Variants in BCKDHB observed in about 807,000 individuals in gnomAD.
The protein encoded by BCKDHB is branched chain keto acid dehydrogenase E1 subunit beta.
Under a neutral mutation model 48.5 loss-of-function variants are expected in BCKDHB, and 41 were observed. That is an observed-to-expected ratio of 0.85 (90% confidence interval 0.66 to 1.10). The LOEUF is 1.10. Among genes scored for constraint, BCKDHB ranks in the 50% least tolerant of loss-of-function variants. The probability of loss-of-function intolerance (pLI) is 0.00; values close to 1 mark genes in which losing one functional copy is unlikely to be tolerated. For missense variants in BCKDHB, 496 were observed against 494.2 expected (o/e 1.00, Z -0.03); for synonymous variants, 201 against 174.8 (o/e 1.15, Z -1.18).
intron 1 of BCKDHB, among the ~76,000 whole-genome samples, chr6:80,110,690 C>T (rs1032599384): frequency 2.0e-5 from 3 of 152,218 alleles, no homozygotes; most frequent in African/African-American, 7.2e-5. Context: ...TCCCTTGGCA[C>T]CTGAGCCAGG....
At chr6:80,242,058 T>C (rs1183053292) in intron 8 of BCKDHB, among the ~76,000 whole-genome samples, 2 of 152,224 alleles carry the variant, frequency 1.3e-5, no homozygotes, top group Admixed American at 1.3e-4. Context: ...TTTAAATTTT[T>C]CTGTGGTCAA....
At chr6:80,311,683 A>AT (rs1305098576) in intron 9 of BCKDHB, among the ~76,000 whole-genome samples, 1 of 152,068 alleles carries the variant, frequency 6.6e-6, no homozygotes, top group Non-Finnish European at 1.5e-5. Context: ...AAAACAGGGA[A>AT]TTTTTTCTCC....
intron 7 of BCKDHB, among the ~76,000 whole-genome samples, chr6:80,202,008 G>C (rs1052005558): frequency 1.3e-5 from 2 of 152,048 alleles, no homozygotes; most frequent in Admixed American, 6.6e-5. Flanking sequence ...TTGGCGAGTT[G>C]TATCCCATTG....
chr6:80,280,383 G>C (rs1778146672), intron 9 of BCKDHB, among the ~76,000 whole-genome samples: 1 of 152,198 alleles, frequency 6.6e-6, no homozygotes, highest in African/African-American at 2.4e-5. Flanking sequence ...CTAGGTAGTT[G>C]TGTAGAGGAT....
At chr6:80,280,653 A>G (rs1324693911) in intron 9 of BCKDHB, among the ~76,000 whole-genome samples, 2 of 150,488 alleles carry the variant, frequency 1.3e-5, no homozygotes, top group African/African-American at 2.5e-5. Context: ...AAATAAAAAT[A>G]TATATCATCT....
chr6:80,429,066 G>T, the BCKDHB span, among the ~76,000 whole-genome samples: 1 of 152,088 alleles, frequency 6.6e-6, no homozygotes, highest in East Asian at 1.9e-4. Context: ...TAAGGGAGGG[G>T]TCCAGTTTCA....
At chr6:80,448,981 A>G in the BCKDHB span, among the ~76,000 whole-genome samples, 6 of 152,338 alleles carry the variant, frequency 3.9e-5, no homozygotes, top group South Asian at 2.1e-4. Flanking sequence ...ATTTTCTTTC[A>G]TACTTGCAAC....
chr6:80,290,858 G>A (rs1350707302), intron 9 of BCKDHB, among the ~76,000 whole-genome samples: 2 of 152,200 alleles, frequency 1.3e-5, no homozygotes, highest in Non-Finnish European at 2.9e-5. Flanking sequence ...AACAAGGGAT[G>A]GATTATTTAT....
chr6:80,212,139 G>GA (rs975140917), intron 8 of BCKDHB, among the ~76,000 whole-genome samples: 10 of 152,118 alleles, frequency 6.6e-5, no homozygotes, highest in Non-Finnish European at 1.3e-4. Context: ...GTCTTGATAA[G>GA]CATCTTAAAC....
the BCKDHB span, among the ~76,000 whole-genome samples, chr6:80,426,044 A>C: frequency 6.6e-6 from 1 of 152,162 alleles, no homozygotes; most frequent in Non-Finnish European, 1.5e-5. Flanking sequence ...TAGTGTTCTA[A>C]ATACAGCTTC....
chr6:80,212,362 T>C (rs1247863492), intron 8 of BCKDHB, among the ~76,000 whole-genome samples: 2 of 152,246 alleles, frequency 1.3e-5, no homozygotes, highest in East Asian at 3.9e-4. Flanking sequence ...AATATTAATA[T>C]TCCTTAAAAG....
chr6:80,387,451 G>A, the BCKDHB span, among the ~76,000 whole-genome samples: 1 of 152,198 alleles, frequency 6.6e-6, no homozygotes, highest in South Asian at 2.1e-4. Flanking sequence ...AAGATGCAGG[G>A]GTGGTGATTC....
At chr6:80,447,329 G>T in the BCKDHB span, among the ~76,000 whole-genome samples, 1 of 151,646 alleles carries the variant, frequency 6.6e-6, no homozygotes, top group Admixed American at 6.6e-5. Context: ...TTTGTATTTT[G>T]CCTTTTTAAA....
At chr6:80,347,543 T>C (rs1172509132), downstream of BCKDHB, among the ~76,000 whole-genome samples, 1 of 152,228 alleles carries the variant, frequency 6.6e-6, no homozygotes, top group Non-Finnish European at 1.5e-5. Flanking sequence ...AATTAATTTG[T>C]TATGGCTGTT....
chr6:80,294,136 T>A (rs1167720944), intron 9 of BCKDHB, among the ~76,000 whole-genome samples: 1 of 152,190 alleles, frequency 6.6e-6, no homozygotes, highest in African/African-American at 2.4e-5. Context: ...TTACTGGTGT[T>A]ACAGGAAGTC....
intron 6 of BCKDHB, among the ~76,000 whole-genome samples, chr6:80,200,134 T>G (rs1398081147): frequency 1.3e-5 from 2 of 150,962 alleles, no homozygotes; most frequent in East Asian, 3.9e-4. Flanking sequence ...TTTTATCAAC[T>G]TCGTACTCAA....
At chr6:80,256,786 T>A (rs575827396) in intron 8 of BCKDHB, among the ~76,000 whole-genome samples, 1 of 152,312 alleles carries the variant, frequency 6.6e-6, no homozygotes, top group African/African-American at 2.4e-5. Context: ...CTTAGCTGTT[T>A]AGTCAGGAGG....
chr6:80,228,472 G>C (rs139755228), intron 8 of BCKDHB, among the ~76,000 whole-genome samples: 1,669 of 152,290 alleles, frequency 0.011, 35 homozygotes, highest in African/African-American at 0.038. Context: ...GACAGCACCA[G>C]TTCCTGGGGA....
intron 8 of BCKDHB, among the ~76,000 whole-genome samples, chr6:80,251,315 C>T (rs775155315): frequency 2.0e-5 from 3 of 152,170 alleles, no homozygotes; most frequent in Non-Finnish European, 4.4e-5. Context: ...AGTTTTTGCT[C>T]TCCATGCAAA....
Sources: gnomAD v4.1 joint callset for allele counts (sites outside exome capture counted in the v4.1 genomes callset) on GRCh38, gnomAD v4.1.1 for gene constraint, MANE v1.5 for transcripts, NCBI Gene and HGNC (gene_info 2026-07-23, HGNC 2026-07-21) for gene names.